USP22: variants seen among roughly 807,000 people sequenced by gnomAD.
The protein encoded by USP22 is ubiquitin specific peptidase 22.
A neutral mutation model predicts 68.1 loss-of-function variants in USP22; 22 were observed. The ratio of observed to expected loss-of-function variants is 0.32; its 90% CI spans 0.23 to 0.46. USP22 has a LOEUF of 0.46. Ranked by LOEUF, USP22 falls within the 20% of genes least tolerant of loss-of-function variation. The pLI is 1.00. For missense variants in USP22, 433 were observed against 695.8 expected (o/e 0.62, Z 4.25); for synonymous variants, 279 against 274.2 (o/e 1.02, Z -0.17).
chr17:21,014,759 A>G (rs920835280), intron 6 of USP22, among the ~76,000 whole-genome samples: 2 of 152,152 alleles, frequency 1.3e-5, no homozygotes, highest in African/African-American at 2.4e-5. Flanking sequence ...AAAGACTCCA[A>G]GTTAAAATTA....
intron 12 of USP22, among the ~76,000 whole-genome samples, chr17:21,003,915 A>G (rs1339104523): frequency 6.6e-6 from 1 of 152,070 alleles, no homozygotes; most frequent in East Asian, 1.9e-4. Context: ...AAAAAAAAAA[A>G]AAAAAAAAGA....
intron 1 of USP22, among the ~76,000 whole-genome samples, chr17:21,040,862 G>A (rs940064124): frequency 5.3e-5 from 8 of 150,604 alleles, no homozygotes; most frequent in East Asian, 1.9e-4. Context: ...ATTCCCTGTA[G>A]AAGACTGGCT....
intron 1 of USP22, among the ~76,000 whole-genome samples, chr17:21,034,038 C>T (rs544999324): frequency 1.3e-5 from 2 of 152,064 alleles, no homozygotes; most frequent in East Asian, 1.9e-4. Context: ...CATGAGCCAC[C>T]GTGCCCGGCC....
At position 21,028,685 on chromosome 17, in the gene USP22, G is replaced by A; in HGVS notation, c.172-11C>T. ...GATACAGGACTTGGCCTGAAATTCA[G>A]AGAAGAGGAGGAGTGAACGCTGTGT... On this transcript the variant is annotated splice_polypyrimidine_tract_variant and intron_variant, in intron 1 of 12. Coordinates refer to ENST00000261497, the MANE Select transcript of USP22 (RefSeq NM_015276.2). 6.2e-7 allele frequency: 1 copy of A among 1,613,182 alleles called. No individual in the cohort carries two copies. Among genetic ancestry groups the A allele is most frequent in the Non-Finnish European group, 8.5e-7 (1 of 1,179,858 alleles).
intron 2 of USP22, among the ~76,000 whole-genome samples, chr17:21,027,953 G>A (rs1009513347): frequency 2.6e-5 from 4 of 152,118 alleles, no homozygotes; most frequent in African/African-American, 4.8e-5. Flanking sequence ...GGGTGACAGC[G>A]CGAGACTCCA....
At chr17:21,021,846 C>T (rs1011792151) in intron 2 of USP22, among the ~76,000 whole-genome samples, 4 of 152,154 alleles carry the variant, frequency 2.6e-5, no homozygotes, top group African/African-American at 4.8e-5. Context: ...ATGCCTGTTA[C>T]CCCAGCACTT....
rs1972439558 is a variant in USP22, at chr17:21,042,003, C to T, written c.171+662G>A. ...CCCTCCACCTCCAGCTCCTCGCGGG[C>T]CCCGAGGCAGCCGCGAAGCTCCGGC... is the stretch of plus-strand genomic sequence containing the variant. On this transcript the variant is annotated intron_variant, in intron 1 of 12. Coordinates refer to ENST00000261497, the MANE Select transcript of USP22 (RefSeq NM_015276.2). 2.0e-5 allele frequency among the ~76,000 whole-genome samples: 3 copies of T among 152,170 alleles called. No individual in the cohort carries two copies. In the South Asian group the frequency reaches 6.2e-4, roughly 31 times the overall value.
intron 8 of USP22, among the ~76,000 whole-genome samples, chr17:21,009,081 G>C (rs1913865506): frequency 9.9e-6 from 1 of 100,528 alleles, no homozygotes; most frequent in Admixed American, 1.5e-4. Context: ...ACAAGAGCAA[G>C]ACTCCATTTC....
chr17:21,029,908 A>G (rs1358079349), intron 1 of USP22, among the ~76,000 whole-genome samples: 1 of 152,202 alleles, frequency 6.6e-6, no homozygotes, highest in Non-Finnish European at 1.5e-5. Flanking sequence ...AAATAAAAAC[A>G]TTTTCAAATT....
intron 4 of USP22, among the ~76,000 whole-genome samples, chr17:21,018,645 G>A (rs1972117483): frequency 6.6e-6 from 1 of 152,096 alleles, no homozygotes. Flanking sequence ...CCAGGAGACA[G>A]AGGGTGCAGT....
In USP22 at chr17:21,020,244, CAAAAAAAAAAAAAA is replaced by C. The variant is rs3047597; in HGVS notation, c.418+855_418+868del. ...ATGAGCATCTGTCAGAATCAAAAAC[CAAAAAAAAAAAAAA>C]AAAAAAAAAAAGGAAAAAAAACTCA... On this transcript the variant is annotated intron_variant, in intron 3 of 12. Transcript: ENST00000261497. 6.8e-5 allele frequency among the ~76,000 whole-genome samples: 5 copies of C among 73,284 alleles called. No homozygotes were observed. The South Asian group carries it at 2.2e-3, about 32-fold the overall frequency. 48.1% of individuals were successfully genotyped at this position (73,284 alleles called of 152,430 possible). A position where few individuals can be genotyped will look rare whatever the true frequency, so the allele number is the denominator to read the frequency against.
Position 21,001,275 on chromosome 17 carries a change from C to T in USP22, c.*1756G>A, listed in dbSNP as rs1227783476. The stretch of plus-strand genomic sequence containing the variant: ...AACCGCATCCCTCAGGCTTCTGCCA[C>T]ACATGATGGTTCTGCGGGCTGTGAT... On this transcript the variant is annotated 3_prime_UTR_variant, in exon 13 of 13. Coordinates refer to ENST00000261497, the MANE Select transcript of USP22 (RefSeq NM_015276.2). The T allele has an allele frequency of 6.6e-6, 1 of 152,208 alleles. No individual in the cohort carries two copies. Among genetic ancestry groups the T allele is most frequent in the Non-Finnish European group, 1.5e-5 (1 of 68,032 alleles). 9.4% of individuals were successfully genotyped at this position (152,208 alleles called of 1,614,324 possible).
intron 6 of USP22, among the ~76,000 whole-genome samples, chr17:21,014,844 TG>T (rs1219436420): frequency 6.6e-6 from 1 of 152,214 alleles, no homozygotes; most frequent in African/African-American, 2.4e-5. Context: ...CCAGGTGCCC[TG>T]TGACCTGAGC....
At chr17:21,041,468 G>A (rs1006957647) in intron 1 of USP22, among the ~76,000 whole-genome samples, 2 of 152,030 alleles carry the variant, frequency 1.3e-5, no homozygotes, top group Admixed American at 1.3e-4. Flanking sequence ...CGTGGTAGCA[G>A]GAGCCTGTAA....
intron 2 of USP22, among the ~76,000 whole-genome samples, chr17:21,023,644 CAA>C (rs57776078): frequency 0.71 from 75,372 of 106,376 alleles, 25,249 homozygotes; most frequent in South Asian, 0.78. Flanking sequence ...GACTATGTCT[CAA>C]AAAAAAAAAA....
intron 2 of USP22, among the ~76,000 whole-genome samples, chr17:21,024,231 A>T (rs1972192989): frequency 6.6e-6 from 1 of 152,174 alleles, no homozygotes; most frequent in Admixed American, 6.5e-5. Context: ...AGTTTACAAT[A>T]AGGGTGATGA....
chr17:21,013,821 T>A (rs1914045069), intron 6 of USP22, among the ~76,000 whole-genome samples: 1 of 152,196 alleles, frequency 6.6e-6, no homozygotes, highest in Non-Finnish European at 1.5e-5. Context: ...ACGCCTGTAA[T>A]CCCAGCACTT....
intron 6 of USP22, among the ~76,000 whole-genome samples, chr17:21,013,797 A>G (rs376882803): frequency 7.2e-5 from 11 of 152,376 alleles, no homozygotes; most frequent in East Asian, 5.8e-4. Flanking sequence ...CAGAATGGCC[A>G]GGCGCGGTGG....
intron 6 of USP22, among the ~76,000 whole-genome samples, chr17:21,013,259 A>C (rs1223794912): frequency 6.6e-6 from 1 of 152,230 alleles, no homozygotes; most frequent in Non-Finnish European, 1.5e-5. Flanking sequence ...GACTGAATCA[A>C]TATTGTTCCA....
Sources: gnomAD v4.1 joint callset for allele counts (sites outside exome capture counted in the v4.1 genomes callset) on GRCh38, gnomAD v4.1.1 for gene constraint, MANE v1.5 for transcripts, NCBI Gene and HGNC (gene_info 2026-07-23, HGNC 2026-07-21) for gene names.